The following LUZP2 variants were observed in gnomAD, a reference collection of about 807,000 sequenced individuals.
The protein encoded by LUZP2 is leucine zipper protein 2.
A neutral mutation model predicts 51.6 loss-of-function variants in LUZP2; 52 were observed. That is an observed-to-expected ratio of 1.01 (90% CI 0.81 to 1.27). The LOEUF (loss-of-function observed/expected upper bound fraction) is 1.27. Ranked by LOEUF, LUZP2 falls within the 50% of genes most tolerant of loss-of-function variation. LUZP2 has a pLI of 0.00. For missense variants in LUZP2, 436 were observed against 395.4 expected, an observed-to-expected ratio of 1.10 and a Z score of -0.87; for synonymous variants, 154 against 137.3, an observed-to-expected ratio of 1.12 and a Z score of -0.85.
At chr11:24,500,773 G>A (rs1290673125) in intron 1 of LUZP2, among the ~76,000 whole-genome samples, 1 of 152,104 alleles carries the variant, frequency 6.6e-6, no homozygotes, top group Non-Finnish European at 1.5e-5. Context: ...TTGAGCAGAT[G>A]GTCGGTTATA....
intron 10 of LUZP2, among the ~76,000 whole-genome samples, chr11:25,057,933 T>C (rs938047246): frequency 2.0e-5 from 3 of 152,138 alleles, no homozygotes; most frequent in Non-Finnish European, 4.4e-5. Context: ...GGCTGAGATA[T>C]AAGAAATCTA....
chr11:25,069,663 T>C (rs1859098523), intron 10 of LUZP2, among the ~76,000 whole-genome samples: 1 of 151,812 alleles, frequency 6.6e-6, no homozygotes, highest in South Asian at 2.1e-4. Context: ...AGTGACAGGG[T>C]ATACATGTCT....
intron 1 of LUZP2, among the ~76,000 whole-genome samples, chr11:24,515,702 G>A (rs1850443678): frequency 6.6e-6 from 1 of 152,060 alleles, no homozygotes; most frequent in African/African-American, 2.4e-5. Flanking sequence ...CAATGTGAAA[G>A]GTGCTAAAAT....
intron 5 of LUZP2, among the ~76,000 whole-genome samples, chr11:24,769,111 G>GAAA (rs1860303529): frequency 3.9e-5 from 6 of 152,164 alleles, no homozygotes; most frequent in Admixed American, 3.3e-4. Flanking sequence ...AGAGGACATT[G>GAAA]TGTTAAGTGA....
intron 1 of LUZP2, among the ~76,000 whole-genome samples, chr11:24,529,678 C>T (rs897424385): frequency 6.6e-6 from 1 of 150,908 alleles, no homozygotes; most frequent in African/African-American, 2.4e-5. Context: ...TCTAGCATTT[C>T]TCCACAAGTA....
intron 9 of LUZP2, among the ~76,000 whole-genome samples, chr11:25,001,167 C>T (rs2133942851): frequency 6.6e-6 from 1 of 152,212 alleles, no homozygotes; most frequent in African/African-American, 2.4e-5. Context: ...TTCAATTATT[C>T]TTTGCTATTA....
At chr11:24,610,768 A>T (rs539967413) in intron 1 of LUZP2, among the ~76,000 whole-genome samples, 3 of 152,316 alleles carry the variant, frequency 2.0e-5, no homozygotes, top group Admixed American at 2.0e-4. Context: ...CAACATGGTG[A>T]AACCCTGTTT....
At chr11:25,062,976 CT>C (rs1858890183) in intron 10 of LUZP2, among the ~76,000 whole-genome samples, 3 of 150,986 alleles carry the variant, frequency 2.0e-5, no homozygotes, top group Admixed American at 2.0e-4. Flanking sequence ...AGTTTCTTTT[CT>C]TTTTTTGTTT....
Position 24,611,961 on chromosome 11 carries a change from A to AT in LUZP2, c.62+114658dup, listed in dbSNP as rs1340617416. Among the ~76,000 whole-genome samples the AT allele has an allele frequency of 2.6e-5, 4 of 152,308 alleles. No homozygotes were observed. The East Asian group carries it at 7.7e-4, about 29-fold the overall frequency. ...AAGTTTAAACTTTGAAAAACATGTCATTGATGACTTCAGGAAGAAGCATTT... is the reference window on the plus strand; with the variant it reads ...AAGTTTAAACTTTGAAAAACATGTCATTTGATGACTTCAGGAAGAAGCATTT... On this transcript the variant is annotated intron_variant, in intron 1 of 11. Transcript: ENST00000336930. The surrounding 1 kb of genome is among the most constrained non-coding windows in gnomAD (Gnocchi z 4.6).
intron 5 of LUZP2, among the ~76,000 whole-genome samples, chr11:24,842,646 G>T (rs575948866): frequency 6.6e-6 from 1 of 151,556 alleles, no homozygotes; most frequent in African/African-American, 2.4e-5. Flanking sequence ...TTTTCTTTTG[G>T]CTTAGACGCA....
intron 1 of LUZP2, among the ~76,000 whole-genome samples, chr11:24,564,635 G>T (rs1033870812): frequency 1.3e-5 from 2 of 152,104 alleles, no homozygotes; most frequent in African/African-American, 2.4e-5. Context: ...TCCATAGCTG[G>T]TCAGTCTCAT....
intron 5 of LUZP2, among the ~76,000 whole-genome samples, chr11:24,887,173 G>A (rs1221369855): frequency 5.7e-5 from 8 of 139,770 alleles, no homozygotes; most frequent in African/African-American, 1.1e-4. Context: ...CCCAGCCTGC[G>A]AAGCCCCTAG....
chr11:24,661,816 G>T (rs951727930), intron 1 of LUZP2, among the ~76,000 whole-genome samples: 1 of 152,044 alleles, frequency 6.6e-6, no homozygotes, highest in Non-Finnish European at 1.5e-5. Flanking sequence ...CTGTTCTGTT[G>T]ACTTTTCTTT....
At chr11:24,784,009 G>A (rs1175017579) in intron 5 of LUZP2, among the ~76,000 whole-genome samples, 1 of 151,896 alleles carries the variant, frequency 6.6e-6, no homozygotes, top group Non-Finnish European at 1.5e-5. Flanking sequence ...AGTGCCATTT[G>A]TGCAGCTTCT....
intron 1 of LUZP2, among the ~76,000 whole-genome samples, chr11:24,501,225 T>C (rs762146513): frequency 6.6e-6 from 1 of 152,246 alleles, no homozygotes; most frequent in African/African-American, 2.4e-5. Flanking sequence ...CACAAATATT[T>C]TGACTTCTTA....
At chr11:24,983,370 C>A in intron 9 of LUZP2, 77 bp downstream of exon 9, 1 of 1,368,764 alleles carries the variant, frequency 7.3e-7, no homozygotes, top group Non-Finnish European at 1.0e-6. Context: ...TATATAATCA[C>A]CAGAGTGGAT....
intron 10 of LUZP2, among the ~76,000 whole-genome samples, chr11:25,075,586 A>C (rs1177605204): frequency 1.3e-5 from 2 of 152,192 alleles, no homozygotes; most frequent in African/African-American, 2.4e-5. Context: ...ACATATAAAA[A>C]CAATGGTAAG....
chr11:24,826,931 A>G (rs1850560624), intron 5 of LUZP2, among the ~76,000 whole-genome samples: 1 of 152,170 alleles, frequency 6.6e-6, no homozygotes, highest in Non-Finnish European at 1.5e-5. Flanking sequence ...AGGAGTTAAT[A>G]TGCAACACAG....
chr11:24,879,326 C>A (rs1590679270), intron 5 of LUZP2, among the ~76,000 whole-genome samples: 1 of 152,128 alleles, frequency 6.6e-6, no homozygotes. Context: ...CATTGATTGG[C>A]ATTTTAGTTG....
Sources: gnomAD v4.1 joint callset for allele counts (sites outside exome capture counted in the v4.1 genomes callset) on GRCh38, gnomAD v4.1.1 for gene constraint, Gnocchi (gnomAD v3.1) non-coding constraint, MANE v1.5 for transcripts, NCBI Gene and HGNC (gene_info 2026-07-23, HGNC 2026-07-21) for gene names.